Variants in MYO16 observed in about 807,000 individuals in gnomAD.
MYO16 encodes the protein myosin XVI.
In MYO16, 94 loss-of-function variants were observed where a neutral mutation model predicts 205.3. The observed-to-expected ratio is 0.46, with a 90% CI of 0.39 to 0.54. MYO16 has a LOEUF of 0.54. Ranked by LOEUF, MYO16 falls within the 20% of genes least tolerant of loss-of-function variation. MYO16 has a pLI of 0.00. For synonymous variants in MYO16, 988 were observed against 954.0 expected, an observed-to-expected ratio of 1.04 and a Z score of -0.66; for missense variants, 2,315 against 2,387.5, an observed-to-expected ratio of 0.97 and a Z score of 0.63.
At chr13:109,194,822 A>C (rs1039087800) in intron 34 of MYO16, among the ~76,000 whole-genome samples, 9 of 152,050 alleles carry the variant, frequency 5.9e-5, no homozygotes, top group South Asian at 2.1e-4. Flanking sequence ...ATATAGACAG[A>C]TTTTTTTCTC....
At chr13:109,086,202 G>T (rs1181724616) in intron 27 of MYO16, among the ~76,000 whole-genome samples, 1 of 152,178 alleles carries the variant, frequency 6.6e-6, no homozygotes, top group East Asian at 1.9e-4. Flanking sequence ...AGCAATCGAA[G>T]GTCACACTTC....
chr13:108,972,740 C>T lies in MYO16; in HGVS notation c.2369+7838C>T, dbSNP rs554632836. On this transcript the variant is annotated intron_variant, in intron 20 of 34. Coordinates refer to ENST00000457511, the MANE Select transcript of MYO16 (RefSeq NM_001198950.3). ...GGGCACAGGTCTGACATGTTTGTAACATGCCTGTCTAGGGTCCAGAGTGGT... is the reference window on the plus strand; with the variant it reads ...GGGCACAGGTCTGACATGTTTGTAATATGCCTGTCTAGGGTCCAGAGTGGT... Among the ~76,000 whole-genome samples, 7 of 152,014 alleles carry T rather than the reference C, an allele frequency of 4.6e-5. 1 individual carries two copies. The South Asian group carries it at 1.5e-3, about 32-fold the overall frequency.
chr13:108,657,159 G>C (rs1275151143), intron 1 of MYO16, among the ~76,000 whole-genome samples: 1 of 152,208 alleles, frequency 6.6e-6, no homozygotes, highest in African/African-American at 2.4e-5. Flanking sequence ...TTTCTCAATA[G>C]CTGTAATATT....
At chr13:109,116,672 C>T (rs1375595596) in intron 28 of MYO16, among the ~76,000 whole-genome samples, 1 of 152,198 alleles carries the variant, frequency 6.6e-6, no homozygotes, top group African/African-American at 2.4e-5. Flanking sequence ...AAAAGTATTT[C>T]CTGAATATAC....
upstream of MYO16, among the ~76,000 whole-genome samples, chr13:108,627,539 C>T (rs1468535698): frequency 3.9e-5 from 6 of 151,992 alleles, no homozygotes; most frequent in Non-Finnish European, 7.4e-5. Flanking sequence ...TCTCTTATAG[C>T]ACAAAGAGTT....
chr13:108,778,494 C>T (rs1371275399), intron 4 of MYO16, among the ~76,000 whole-genome samples: 2 of 152,176 alleles, frequency 1.3e-5, no homozygotes, highest in African/African-American at 4.8e-5. Context: ...TGGTACACAC[C>T]TATAGTCCCA....
intron 20 of MYO16, among the ~76,000 whole-genome samples, chr13:108,985,737 T>G (rs1884604604): frequency 6.6e-6 from 1 of 152,224 alleles, no homozygotes; most frequent in South Asian, 2.1e-4. Flanking sequence ...TTCACTATTC[T>G]AACATCGTGT....
chr13:109,050,737 G>A (rs951034715), intron 24 of MYO16, among the ~76,000 whole-genome samples: 4 of 152,002 alleles, frequency 2.6e-5, no homozygotes, highest in African/African-American at 9.7e-5. Flanking sequence ...TACACTCATG[G>A]ATTCTTATGT....
Position 108,888,497 on chromosome 13 carries a change from T to C in MYO16, c.1659+20T>C. 1 of 1,540,732 alleles carries C rather than the reference T, an allele frequency of 6.5e-7. No homozygotes were observed. The highest frequency in any genetic ancestry group is 2.3e-5 in the East Asian group (1 of 44,204). ...AAACATGTAAGTTTTTTGTTTGGGT[T>C]GGCAAATATGTGAATGAAGATGTTC... is the stretch of plus-strand genomic sequence containing the variant. On this transcript the variant is annotated intron_variant, in intron 14 of 34. Transcript: ENST00000457511.
chr13:108,531,060 T>C, the MYO16 span, among the ~76,000 whole-genome samples: 1 of 152,278 alleles, frequency 6.6e-6, no homozygotes, highest in South Asian at 2.1e-4. Flanking sequence ...GCCTTGCTGG[T>C]AGAGAGAATA....
At chr13:108,997,343 AGAGAGAGAGAGAGAGAG>A (rs1885052325) in intron 21 of MYO16, among the ~76,000 whole-genome samples, 4 of 3,268 alleles carry the variant, frequency 1.2e-3, no homozygotes, top group African/African-American at 4.8e-3. Flanking sequence ...AAAGAAAGAG[AGAGAGAGAGAGAGAGAG>A]AGAGAGAGAG....
At chr13:108,778,032 T>C (rs898124328) in intron 4 of MYO16, among the ~76,000 whole-genome samples, 11 of 152,222 alleles carry the variant, frequency 7.2e-5, no homozygotes, top group Admixed American at 5.9e-4. Flanking sequence ...GAAAGATATA[T>C]GTCATATAAA....
intron 27 of MYO16, among the ~76,000 whole-genome samples, chr13:109,064,114 A>G (rs1248121528): frequency 6.6e-6 from 1 of 152,232 alleles, no homozygotes; most frequent in Non-Finnish European, 1.5e-5. Context: ...ATCTGCTTTC[A>G]TGTGGCCTGA....
At chr13:108,739,702 G>T (rs1884833402) in intron 4 of MYO16, among the ~76,000 whole-genome samples, 1 of 152,296 alleles carries the variant, frequency 6.6e-6, no homozygotes, top group Middle Eastern at 3.4e-3. Flanking sequence ...GGTTGGGGAA[G>T]TTCTTCTGGA....
chr13:109,124,885 A>G (rs963706104), intron 29 of MYO16, among the ~76,000 whole-genome samples: 1 of 152,150 alleles, frequency 6.6e-6, no homozygotes, highest in Non-Finnish European at 1.5e-5. Flanking sequence ...TGTTACCAAA[A>G]ACAATGTGGA....
At chr13:108,521,499 G>A in the MYO16 span, among the ~76,000 whole-genome samples, 1 of 152,164 alleles carries the variant, frequency 6.6e-6, no homozygotes, top group Non-Finnish European at 1.5e-5. Context: ...TCTGTTAGAG[G>A]GGAAGAGTCT....
intron 28 of MYO16, among the ~76,000 whole-genome samples, chr13:109,117,529 A>G (rs186970903): frequency 3.3e-4 from 49 of 148,878 alleles, no homozygotes; most frequent in African/African-American, 1.2e-3. Context: ...ATATATATAC[A>G]CACACATATA....
At chr13:109,047,211 C>A (rs1229601355) in intron 24 of MYO16, among the ~76,000 whole-genome samples, 1 of 152,096 alleles carries the variant, frequency 6.6e-6, no homozygotes, top group African/African-American at 2.4e-5. Flanking sequence ...TTTAACTAAG[C>A]TTTTAGCAGA....
At chr13:108,924,045 G>T (rs528314886) in intron 16 of MYO16, among the ~76,000 whole-genome samples, 11 of 152,268 alleles carry the variant, frequency 7.2e-5, no homozygotes, top group Admixed American at 5.9e-4. Context: ...AGACAGAAAA[G>T]GGTTTCTGCC....
Sources: allele counts gnomAD v4.1 joint callset (sites outside exome capture counted in the v4.1 genomes callset), GRCh38; gene constraint gnomAD v4.1.1; transcripts MANE v1.5; gene names NCBI Gene and HGNC (gene_info 2026-07-23, HGNC 2026-07-21).